GYS2: variants seen among roughly 807,000 people sequenced by gnomAD.
The protein encoded by GYS2 is glycogen [starch] synthase, liver.
In GYS2, 80 loss-of-function variants were observed where a neutral mutation model predicts 85.6. That is an observed-to-expected ratio of 0.93 (90% CI 0.78 to 1.13). GYS2 has a LOEUF of 1.13. GYS2 is among the 50% of genes most tolerant of loss of function. GYS2 has a pLI of 0.00. For missense variants in GYS2, 881 were observed against 854.9 expected (o/e 1.03, Z -0.38); for synonymous variants, 328 against 300.7 (o/e 1.09, Z -0.94).
downstream of GYS2, among the ~76,000 whole-genome samples, chr12:21,534,422 C>T (rs1300643801): frequency 6.6e-6 from 1 of 152,036 alleles, no homozygotes; most frequent in Non-Finnish European, 1.5e-5. Context: ...GAGGCTGCAG[C>T]ACAAGAATTG....
chr12:21,595,326 C>T (rs913719839), intron 1 of GYS2, among the ~76,000 whole-genome samples: 1 of 152,180 alleles, frequency 6.6e-6, no homozygotes, highest in Non-Finnish European at 1.5e-5. Context: ...AGGAGACACC[C>T]CAAATACTGT....
In GYS2 at chr12:21,562,959, T is replaced by C. The variant is rs1245603121; in HGVS notation, c.1021A>G (p.Ile341Val). The C allele has an allele frequency of 6.2e-7, 1 of 1,611,714 alleles. No homozygotes were observed. Among genetic ancestry groups the C allele is most frequent in the Non-Finnish European group, 8.5e-7 (1 of 1,177,876 alleles). Residue 341 changes from isoleucine to valine, a missense_variant, in exon 7 of 16, where the codon ATC (isoleucine) becomes GTC (valine). Coordinates refer to ENST00000261195, the MANE Select transcript of GYS2 (RefSeq NM_021957.4). ...RYEFSNKGAD[I>V]FLESLSRLNF... ...AGCCTGGATAAGGATTCTAGGAAGATGTCAGCTCCTTTGTTTGAAAACTCA... is the reference window on the plus strand; with the variant it reads ...AGCCTGGATAAGGATTCTAGGAAGACGTCAGCTCCTTTGTTTGAAAACTCA...
At chr12:21,570,665 C>T (rs1591797034) in intron 4 of GYS2, among the ~76,000 whole-genome samples, 1 of 152,288 alleles carries the variant, frequency 6.6e-6, no homozygotes, top group East Asian at 1.9e-4. Context: ...ATGGCATGTG[C>T]AGAAAATAGC....
intron 5 of GYS2, among the ~76,000 whole-genome samples, chr12:21,563,760 A>G (rs1231975395): frequency 6.6e-6 from 1 of 152,196 alleles, no homozygotes; most frequent in South Asian, 2.1e-4. Flanking sequence ...GTGGAAACTC[A>G]GGCACAGAGT....
chr12:21,604,529 C>A lies in GYS2; in HGVS notation c.64G>T (p.Glu22Ter). The change falls in exon 1 of 16, where the codon GAA becomes TAA. Residue 22 changes from glutamate to a stop codon, truncating the protein, a stop_gained. Coordinates refer to ENST00000261195, the MANE Select transcript of GYS2 (RefSeq NM_021957.4). LOFTEE classifies it high-confidence loss of function. Reference sequence around the variant, plus strand: ...AGCAGTAACTCCTCCACAGGAAGTTCTTCGACTTCCCACTGGGGAAGCCCA... The same window carrying A: ...AGCAGTAACTCCTCCACAGGAAGTTATTCGACTTCCCACTGGGGAAGCCCA... ...LGGLPQWEVE[E>*]LPVEELLLFE... 2 of 1,612,570 alleles carry A rather than the reference C, an allele frequency of 1.2e-6. No individual in the cohort carries two copies.
In GYS2 at chr12:21,575,941, G is replaced by A. The variant is rs527797522; in HGVS notation, c.420C>T (p.Val140=). 16 of 1,613,772 alleles carry A rather than the reference G, an allele frequency of 9.9e-6. No individual in the cohort carries two copies. Among genetic ancestry groups the A allele is most frequent in the African/African-American group, 5.3e-5 (4 of 75,014 alleles). The change falls in exon 3 of 16, where the codon GTC becomes GTT. Residue 140 remains valine (V), a synonymous_variant. Coordinates refer to ENST00000261195, the MANE Select transcript of GYS2 (RefSeq NM_021957.4). ...WKGDLWEACS[V]GIPYHDREAN... ...CTTCTCGGTCATGATAAGGAATGCC[G>A]ACACTGCATGCTTCCCAGAGGTCAC... is the stretch of plus-strand genomic sequence containing the variant.
intron 11 of GYS2, among the ~76,000 whole-genome samples, chr12:21,554,085 AAT>A (rs1944146147): frequency 6.6e-6 from 1 of 152,048 alleles, no homozygotes; most frequent in Non-Finnish European, 1.5e-5. Context: ...TTTTTTATTA[AAT>A]ACATTGACTT....
At chr12:21,601,682 TCC>T in intron 1 of GYS2, among the ~76,000 whole-genome samples, 1 of 152,188 alleles carries the variant, frequency 6.6e-6, no homozygotes, top group South Asian at 2.1e-4. Flanking sequence ...GACACCTGGT[TCC>T]CTTAGTCTCA....
At chr12:21,545,210 A>G (rs1280066566) in intron 12 of GYS2, among the ~76,000 whole-genome samples, 1 of 152,224 alleles carries the variant, frequency 6.6e-6, no homozygotes, top group Non-Finnish European at 1.5e-5. Context: ...TGGGGAGCCA[A>G]GGCAGGTGGA....
chr12:21,542,469 G>C (rs764126466), intron 13 of GYS2, 27 bp downstream of exon 13: 1 of 1,433,534 alleles, frequency 7.0e-7, no homozygotes, highest in Non-Finnish European at 9.9e-7. Context: ...TGTCTCCCCA[G>C]CATGGGTTAA....
intron 12 of GYS2, 44 bp from the exon 13 acceptor site, chr12:21,542,635 T>C (rs761230184): frequency 4.9e-6 from 6 of 1,225,714 alleles, no homozygotes; most frequent in Non-Finnish European, 2.4e-6. Flanking sequence ...GACCAGCGCC[T>C]ATATCCTTGT....
At position 21,581,561 on chromosome 12, in the gene GYS2, C is replaced by T. The variant is rs182672031; in HGVS notation, c.122-1038G>A. Among the ~76,000 whole-genome samples, 151 of 152,284 alleles carry T rather than the reference C, an allele frequency of 9.9e-4. No homozygotes were observed. The Middle Eastern group carries it at 0.01, about 10-fold the overall frequency. On this transcript the variant is annotated intron_variant, in intron 1 of 15. Transcript: ENST00000261195. ...GAATAAAGCCCTTCCTTCTTTAACT[C>T]GGTGTCTGAGGGGTTTTGTATGCAG... is the stretch of plus-strand genomic sequence containing the variant.
intron 9 of GYS2, among the ~76,000 whole-genome samples, 169 bp from the exon 10 acceptor site, chr12:21,559,338 T>C (rs1314791022): frequency 6.9e-6 from 1 of 145,946 alleles, no homozygotes; most frequent in Non-Finnish European, 1.6e-5. Flanking sequence ...ACATATTTAA[T>C]ACACATTGTC....
chr12:21,540,669 C>T (rs1943962477), intron 13 of GYS2, 96 bp from the exon 14 acceptor site: 2 of 1,087,808 alleles, frequency 1.8e-6, no homozygotes, highest in East Asian at 4.8e-5. Flanking sequence ...CCATCAAAAA[C>T]CTATGCATTA....
chr12:21,538,949 A>C (rs1194823347), intron 15 of GYS2, among the ~76,000 whole-genome samples: 2 of 152,192 alleles, frequency 1.3e-5, no homozygotes. Flanking sequence ...GAGCAAATTC[A>C]CTTTCAATTA....
intron 9 of GYS2, 59 bp downstream of exon 9, chr12:21,559,592 G>T: frequency 2.1e-6 from 2 of 936,664 alleles, no homozygotes; most frequent in Non-Finnish European, 3.5e-6. Flanking sequence ...TGTCTAAATT[G>T]TTAAATTTGA....
intron 11 of GYS2, among the ~76,000 whole-genome samples, chr12:21,554,586 A>G (rs916354802): frequency 6.6e-6 from 1 of 152,250 alleles, no homozygotes; most frequent in African/African-American, 2.4e-5. Context: ...ATTTATTGTA[A>G]TCACTCCTAT....
At chr12:21,535,172 AATT>A (rs1048488664), downstream of GYS2, 16 of 152,202 alleles carry the variant, frequency 1.1e-4, no homozygotes, top group African/African-American at 3.9e-4. Context: ...ATTATCATCA[AATT>A]ATTATTTCAT....
At chr12:21,575,437 A>G (rs1944433753) in intron 3 of GYS2, among the ~76,000 whole-genome samples, 1 of 152,218 alleles carries the variant, frequency 6.6e-6, no homozygotes, top group Non-Finnish European at 1.5e-5. Flanking sequence ...TGAGCAGAGA[A>G]TTGGGAAATT....
Sources: allele counts gnomAD v4.1 joint callset (sites outside exome capture counted in the v4.1 genomes callset), GRCh38; gene constraint gnomAD v4.1.1; transcripts MANE v1.5; gene names NCBI Gene and HGNC (gene_info 2026-07-23, HGNC 2026-07-21).